POPDC2: variants seen among roughly 807,000 people sequenced by gnomAD.
POPDC2 encodes the protein popeye domain cAMP effector 2, also known as popeye domain-containing protein 2.
A neutral mutation model predicts 30.5 loss-of-function variants in POPDC2; 24 were observed. The observed-to-expected ratio is 0.79, with a 90% CI of 0.57 to 1.11. POPDC2 has a LOEUF of 1.11. Ranked by LOEUF, POPDC2 falls within the 50% of genes least tolerant of loss-of-function variation. The probability of loss-of-function intolerance (pLI) is 0.00; values close to 1 mark genes in which losing one functional copy is unlikely to be tolerated. For synonymous variants in POPDC2, 185 were observed against 183.3 expected (o/e 1.01, Z -0.07); for missense variants, 409 against 447.0 (o/e 0.91, Z 0.77).
intron 1 of POPDC2, among the ~76,000 whole-genome samples, chr3:119,655,082 T>C (rs2052864468): frequency 6.6e-6 from 1 of 152,104 alleles, no homozygotes; most frequent in Admixed American, 6.6e-5. Flanking sequence ...ATCCCAGCAC[T>C]TTGGGAGGCT....
intron 1 of POPDC2, among the ~76,000 whole-genome samples, chr3:119,657,395 A>C (rs1213848266): frequency 6.6e-6 from 1 of 152,238 alleles, no homozygotes; most frequent in Non-Finnish European, 1.5e-5. Context: ...CCAATTAAAA[A>C]AACAATTGCA....
chr3:119,644,238 C>T (rs1277162168), intron 3 of POPDC2, among the ~76,000 whole-genome samples: 2 of 152,128 alleles, frequency 1.3e-5, no homozygotes, highest in Non-Finnish European at 1.5e-5. Context: ...CAATGTGAAA[C>T]AAAATAAAAA....
At chr3:119,644,148 G>A (rs957875353) in intron 3 of POPDC2, among the ~76,000 whole-genome samples, 2 of 152,078 alleles carry the variant, frequency 1.3e-5, no homozygotes, top group African/African-American at 4.8e-5. Flanking sequence ...CCCTTACCTC[G>A]AGTGTCCTCA....
Position 119,648,112 on chromosome 3 carries a change from T to C in POPDC2, c.*43+7A>G. The C allele has an allele frequency of 6.9e-7, 1 of 1,448,506 alleles. No homozygotes were observed. The highest frequency in any genetic ancestry group is 9.1e-7 in the Non-Finnish European group (1 of 1,100,544). 89.7% of individuals were successfully genotyped at this position (1,448,506 alleles called of 1,614,324 possible). ...GAATGTGCAGCGGCTGCCTTCTGAG[T>C]ACTTACATAGGATCCTGAGCCGGTG... On this transcript the variant is annotated splice_region_variant and intron_variant, in intron 3 of 3. Coordinates refer to ENST00000493094, the MANE Select transcript of POPDC2 (RefSeq NM_001369919.2).
At chr3:119,645,323 G>A (rs897228379) in intron 3 of POPDC2, among the ~76,000 whole-genome samples, 3 of 152,194 alleles carry the variant, frequency 2.0e-5, no homozygotes, top group South Asian at 2.1e-4. Flanking sequence ...AGCACTTTGG[G>A]AGCCCGAGGC....
At chr3:119,657,357 C>T (rs945364246) in intron 1 of POPDC2, among the ~76,000 whole-genome samples, 4 of 152,000 alleles carry the variant, frequency 2.6e-5, no homozygotes, top group Non-Finnish European at 2.9e-5. Flanking sequence ...GGTATACATG[C>T]GTGTATACAA....
At chr3:119,655,923 C>T (rs757009821) in intron 1 of POPDC2, among the ~76,000 whole-genome samples, 9 of 152,168 alleles carry the variant, frequency 5.9e-5, no homozygotes, top group Non-Finnish European at 1.0e-4. Context: ...TTTCTTTAGA[C>T]AATGAGATCC....
In POPDC2 at chr3:119,648,330, A is replaced by G. The variant is rs1354672881; in HGVS notation, c.939T>C (p.Pro313=). Residue 313 remains proline, a synonymous_variant, in exon 3 of 4, where the codon CCT becomes CCC. Coordinates refer to ENST00000493094, the MANE Select transcript of POPDC2 (RefSeq NM_001369919.2). ...SLQQTPPCST[P]PATTNFPAPP... The stretch of plus-strand genomic sequence containing the variant: ...GTGCAGGAAAGTTGGTGGTAGCTGG[A>G]GGGGTAGAACAAGGGGGTGTTTGCT... 1 of 1,613,932 alleles carries G rather than the reference A, an allele frequency of 6.2e-7. No homozygotes were observed. The highest frequency in any genetic ancestry group is 8.5e-7 in the Non-Finnish European group (1 of 1,180,022).
intron 2 of POPDC2, among the ~76,000 whole-genome samples, chr3:119,653,670 G>T (rs2052843591): frequency 1.3e-5 from 2 of 152,088 alleles, no homozygotes; most frequent in Admixed American, 1.3e-4. Context: ...GTAGAGACGG[G>T]ATTTCATCGT....
intron 1 of POPDC2, among the ~76,000 whole-genome samples, chr3:119,655,777 C>A (rs58423488): frequency 1.3e-5 from 2 of 152,272 alleles, no homozygotes; most frequent in East Asian, 3.9e-4. Context: ...GATCAAGTGG[C>A]GGAACTAAAA....
chr3:119,660,651 C>CCCCT (rs2052933033), upstream of POPDC2: 1 of 291,502 alleles, frequency 3.4e-6, no homozygotes, highest in Non-Finnish European at 6.1e-6. Flanking sequence ...TCTCTCTCCC[C>CCCCT]CTCTCCCCCC....
chr3:119,655,632 C>T (rs1372909116), intron 1 of POPDC2, among the ~76,000 whole-genome samples: 1 of 152,226 alleles, frequency 6.6e-6, no homozygotes, highest in Non-Finnish European at 1.5e-5. Context: ...ATATGCCAGA[C>T]TCTGCTAGAC....
intron 1 of POPDC2, 76 bp from the exon 2 acceptor site, chr3:119,654,689 C>T (rs1460669920): frequency 3.0e-6 from 3 of 1,016,838 alleles, no homozygotes; most frequent in Non-Finnish European, 4.6e-6. Context: ...AGTTAGGTGT[C>T]GCTGATTAAC....
intron 3 of POPDC2, chr3:119,643,235 G>A: frequency 1.6e-6 from 1 of 639,648 alleles, no homozygotes; most frequent in South Asian, 1.8e-5. Flanking sequence ...GAGGGGAAGA[G>A]CATGATGACA....
Position 119,648,377 on chromosome 3 carries a change from G to C in POPDC2, c.892C>G (p.Gln298Glu). The C allele has an allele frequency of 6.2e-7, 1 of 1,614,142 alleles. No individual in the cohort carries two copies. Among genetic ancestry groups the C allele is most frequent in the Non-Finnish European group, 8.5e-7 (1 of 1,180,022 alleles). ...EVCEPAVSPPQATPTSLQQTP... is the reference protein window; with the variant it reads ...EVCEPAVSPPEATPTSLQQTP... ...TGCTGGAGAGAGGTGGGTGTGGCCT[G>C]AGGAGGGGACACAGCTGGCTCACAG... Residue 298 changes from glutamine (Q) to glutamate (E), a missense_variant, in exon 3 of 4, where the codon CAG becomes GAG. By Grantham distance (29) the Gln-to-Glu change is conservative. Coordinates refer to ENST00000493094, the MANE Select transcript of POPDC2 (RefSeq NM_001369919.2).
chr3:119,645,367 C>G (rs1408505607), intron 3 of POPDC2, among the ~76,000 whole-genome samples: 1 of 152,118 alleles, frequency 6.6e-6, no homozygotes, highest in African/African-American at 2.4e-5. Context: ...TGGAGACCAT[C>G]CTGGCTAACA....
chr3:119,650,579 CTT>C (rs1415450088), intron 2 of POPDC2, among the ~76,000 whole-genome samples: 1 of 152,172 alleles, frequency 6.6e-6, no homozygotes, highest in East Asian at 1.9e-4. Flanking sequence ...CCATACACTC[CTT>C]GCCCAATCTC....
chr3:119,651,024 C>T (rs1009625328), intron 2 of POPDC2, among the ~76,000 whole-genome samples: 2 of 152,206 alleles, frequency 1.3e-5, no homozygotes, highest in South Asian at 4.1e-4. Flanking sequence ...CTATATCCAA[C>T]CCTTTAGAAA....
intron 1 of POPDC2, 49 bp downstream of exon 1, chr3:119,659,884 A>T: frequency 6.6e-7 from 1 of 1,523,456 alleles, no homozygotes. Flanking sequence ...AGGAAATGAG[A>T]AGTGTGGGCT....
Sources: gnomAD v4.1 joint callset for allele counts (sites outside exome capture counted in the v4.1 genomes callset) on GRCh38, gnomAD v4.1.1 for gene constraint, MANE v1.5 for transcripts, NCBI Gene and HGNC (gene_info 2026-07-23, HGNC 2026-07-21) for gene names.